VRK3: variants seen among roughly 807,000 people sequenced by gnomAD.
VRK3 encodes the protein serine/threonine-protein kinase VRK3.
A neutral mutation model predicts 60.4 loss-of-function variants in VRK3; 50 were observed. The observed-to-expected ratio is 0.83, with a 90% CI of 0.66 to 1.05. VRK3 has a LOEUF of 1.05. Among genes scored for constraint, VRK3 ranks in the 50% least tolerant of loss-of-function variants. The probability of loss-of-function intolerance (pLI) is 0.00; values close to 1 mark genes in which losing one functional copy is unlikely to be tolerated. For synonymous variants in VRK3, 246 were observed against 227.8 expected, an observed-to-expected ratio of 1.08 and a Z score of -0.72; for missense variants, 549 against 585.3, an observed-to-expected ratio of 0.94 and a Z score of 0.64.
At chr19:50,022,379 C>G (rs1345128199) in intron 1 of VRK3, among the ~76,000 whole-genome samples, 1 of 152,224 alleles carries the variant, frequency 6.6e-6, no homozygotes, top group Admixed American at 6.6e-5. Context: ...ACTGCAGCAG[C>G]CTCCTAACTA....
intron 1 of VRK3, among the ~76,000 whole-genome samples, chr19:50,023,942 T>C (rs898337278): frequency 2.0e-5 from 3 of 152,304 alleles, no homozygotes; most frequent in Middle Eastern, 3.4e-3. Context: ...GCTTCTGCCA[T>C]GTATTGCATG....
intron 12 of VRK3, among the ~76,000 whole-genome samples, chr19:49,987,252 C>T (rs1386069336): frequency 6.6e-6 from 1 of 152,210 alleles, no homozygotes; most frequent in Non-Finnish European, 1.5e-5. Flanking sequence ...TGGTGCTGAA[C>T]TCATACCCAC....
intron 1 of VRK3, 40 bp downstream of exon 1, chr19:50,025,227 G>C (rs944347401): frequency 1.3e-5 from 2 of 152,306 alleles, no homozygotes; most frequent in African/African-American, 4.8e-5. Flanking sequence ...GCGGCTAGGG[G>C]GTCGGGGGAC....
chr19:50,024,946 C>G (rs554295087), intron 1 of VRK3: 1 of 152,354 alleles, frequency 6.6e-6, no homozygotes, highest in African/African-American at 2.4e-5. Flanking sequence ...GCCTAGGCGA[C>G]GACAGAGCCT....
chr19:49,987,701 T>TG (rs2076540407), intron 12 of VRK3: 1 of 56,912 alleles, frequency 1.8e-5, no homozygotes, highest in Non-Finnish European at 3.4e-5. Flanking sequence ...CACAATGAGC[T>TG]TTTTTTTTTT....
chr19:49,989,350 T>C (rs1470519560), intron 11 of VRK3, among the ~76,000 whole-genome samples: 1 of 152,172 alleles, frequency 6.6e-6, no homozygotes, highest in African/African-American at 2.4e-5. Context: ...CAGCCCCTCC[T>C]GGATGACTCC....
Position 49,992,909 on chromosome 19 carries a change from C to T in VRK3, c.914G>A (p.Gly305Glu). The change falls in exon 10 of 15, where the codon GGA (glycine) becomes GAA (glutamate). Residue 305 changes from glycine to glutamate, a missense_variant. Coordinates refer to ENST00000316763, the MANE Select transcript of VRK3 (RefSeq NM_016440.4). ...EFLHENEYVH[G>E]NVTAENIFVD... ...AAAGATATTTTCAGCTGTCACATTT[C>T]CATGAACATACTCATTCTCATGGAG... is the stretch of plus-strand genomic sequence containing the variant. 6.2e-7 allele frequency: 1 copy of T among 1,613,846 alleles called. No homozygotes were observed. Among genetic ancestry groups the T allele is most frequent in the African/African-American group, 1.3e-5 (1 of 75,050 alleles).
At chr19:49,995,166 G>A (rs1259312166) in intron 8 of VRK3, 25 bp downstream of exon 8, 1 of 1,610,894 alleles carries the variant, frequency 6.2e-7, no homozygotes, top group South Asian at 1.1e-5. Context: ...GGCCGGTGAG[G>A]CAAGCAGTGA....
chr19:49,997,752 G>C (rs1365043026), intron 6 of VRK3, 182 bp from the exon 7 acceptor site: 13 of 578,944 alleles, frequency 2.2e-5, no homozygotes, highest in Non-Finnish European at 3.9e-5. Flanking sequence ...CTACCTTGCT[G>C]TACCCAGGTT....
intron 13 of VRK3, among the ~76,000 whole-genome samples, chr19:49,979,919 G>A (rs1021607850): frequency 6.6e-6 from 1 of 151,744 alleles, no homozygotes; most frequent in Non-Finnish European, 1.5e-5. Context: ...ACATGGTGGC[G>A]GGTGCCTGTA....
At chr19:49,989,848 T>C in intron 10 of VRK3, 77 bp from the exon 11 acceptor site, 1 of 1,470,270 alleles carries the variant, frequency 6.8e-7, no homozygotes, top group Admixed American at 2.2e-5. Context: ...TGGGTGCAAG[T>C]GACAACAAAC....
At position 49,976,595 on chromosome 19, in the gene VRK3, A is replaced by G. The variant is rs1346919208; in HGVS notation, c.*201T>C. 6.6e-6 allele frequency: 1 copy of G among 152,638 alleles called. No individual in the cohort carries two copies. The highest frequency in any genetic ancestry group is 1.5e-5 in the Non-Finnish European group (1 of 68,060). 9.5% of individuals were successfully genotyped at this position (152,638 alleles called of 1,614,324 possible). On this transcript the variant is annotated 3_prime_UTR_variant, in exon 15 of 15. Transcript: ENST00000316763. ...TGAAGGGCAGGCCACCAAGATGGGG[A>G]ACTTCACATTCACGGGAGGGAAACT...
chr19:49,981,989 G>C (rs999495496), intron 12 of VRK3: 1 of 640,186 alleles, frequency 1.6e-6, no homozygotes, highest in Non-Finnish European at 2.8e-6. Flanking sequence ...GGGGGCCAGC[G>C]GGGCCGTCAA....
At chr19:49,998,057 G>A (rs1375801675) in intron 6 of VRK3, 1 of 152,416 alleles carries the variant, frequency 6.6e-6, no homozygotes, top group African/African-American at 2.4e-5. Context: ...AAATGTTGGT[G>A]CAAAAAGAAG....
chr19:50,000,769 C>G (rs755568807), intron 6 of VRK3, 21 bp downstream of exon 6: 38 of 1,606,312 alleles, frequency 2.4e-5, no homozygotes, highest in Admixed American at 5.1e-5. Context: ...CAAGCTGCCC[C>G]CCACCTGCAG....
At chr19:49,982,075 C>G in intron 12 of VRK3, 1 of 700,294 alleles carries the variant, frequency 1.4e-6, no homozygotes, top group Non-Finnish European at 2.6e-6. Context: ...ATATCTGGGT[C>G]AACCACACGG....
intron 3 of VRK3, chr19:50,015,590 T>C (rs962245520): frequency 1.2e-5 from 2 of 169,650 alleles, no homozygotes; most frequent in Non-Finnish European, 2.6e-5. Flanking sequence ...ATTACAGGCA[T>C]GAGCCACTGT....
intron 10 of VRK3, among the ~76,000 whole-genome samples, chr19:49,992,341 T>C (rs1426217564): frequency 2.0e-5 from 3 of 152,018 alleles, no homozygotes; most frequent in Admixed American, 6.6e-5. Context: ...GAGGTGGAGG[T>C]TGTGATGAGC....
At chr19:49,983,858 G>A (rs3786671) in intron 12 of VRK3, among the ~76,000 whole-genome samples, 25,076 of 152,120 alleles carry the variant, frequency 0.16, 2,323 homozygotes, top group East Asian at 0.34. Context: ...AACAGACTAT[G>A]GGCTGGGGGT....
Sources: gnomAD v4.1 joint callset for allele counts (sites outside exome capture counted in the v4.1 genomes callset) on GRCh38, gnomAD v4.1.1 for gene constraint, MANE v1.5 for transcripts, NCBI Gene and HGNC (gene_info 2026-07-23, HGNC 2026-07-21) for gene names.